Variants in TRIP10 observed in about 807,000 individuals in gnomAD.
TRIP10 encodes cdc42-interacting protein 4.
Under a neutral mutation model 80.9 loss-of-function variants are expected in TRIP10, and 54 were observed. That is an observed-to-expected ratio of 0.67 (90% CI 0.54 to 0.84). The LOEUF is 0.84. Among genes scored for constraint, TRIP10 ranks in the 40% least tolerant of loss-of-function variants. The pLI, the probability that TRIP10 is intolerant of heterozygous loss-of-function variation, is 0.00. For missense variants in TRIP10, 773 were observed against 815.3 expected, an observed-to-expected ratio of 0.95 and a Z score of 0.63; for synonymous variants, 321 against 307.2, an observed-to-expected ratio of 1.04 and a Z score of -0.47.
In TRIP10 at chr19:6,744,178, C is replaced by T. The variant is rs1041796048; in HGVS notation, c.642+342C>T. Among the ~76,000 whole-genome samples the T allele has an allele frequency of 1.3e-5, 2 of 152,172 alleles. No individual in the cohort carries two copies. The highest frequency in any genetic ancestry group is 4.8e-5 in the African/African-American group (2 of 41,438). ...TCCTACTTATTCTTCTAAGCTCCAC[C>T]TCTAACAACCCCTCTGAAAGGTCTC... is the stretch of plus-strand genomic sequence containing the variant. On this transcript the variant is annotated intron_variant, in intron 7 of 14. Transcript: ENST00000313244. This position sits in a 1 kb window ranked among gnomAD's most constrained non-coding sequence, Gnocchi z 4.9.
rs754493537 is a variant in TRIP10 at position 6,745,086 on chromosome 19, G to A, written c.984+92G>A. On this transcript the variant is annotated intron_variant, in intron 9 of 14. Coordinates refer to ENST00000313244, the MANE Select transcript of TRIP10 (RefSeq NM_001288962.2). The surrounding 1 kb of genome is among the most constrained non-coding windows in gnomAD (Gnocchi z 7.2). ...TTGAGTCAGCCCCAGCCGCCTGAACGCCGAGTCTCGGGCAGGAATTTTCCT... is the reference window on the plus strand; with the variant it reads ...TTGAGTCAGCCCCAGCCGCCTGAACACCGAGTCTCGGGCAGGAATTTTCCT... 1.3e-4 allele frequency: 187 copies of A among 1,447,388 alleles called. No homozygotes were observed. The highest frequency in any genetic ancestry group is 1.6e-4 in the Non-Finnish European group (176 of 1,093,344). 89.7% of individuals were successfully genotyped at this position (1,447,388 alleles called of 1,614,324 possible).
Position 6,749,916 on chromosome 19 carries a change from C to T in TRIP10, c.1263-18C>T, listed in dbSNP as rs374423456. 10 of 1,611,352 alleles carry T rather than the reference C, an allele frequency of 6.2e-6. No homozygotes were observed. In the African/African-American group the frequency reaches 1.3e-4, roughly 22 times the overall value. ...ACGGAAGTATGTTTTCCTGTCTATCCTGTCTCCCTTGTCATAGGGAAGCCC... is the reference window on the plus strand; with the variant it reads ...ACGGAAGTATGTTTTCCTGTCTATCTTGTCTCCCTTGTCATAGGGAAGCCC... On this transcript the variant is annotated intron_variant, in intron 11 of 14. Transcript: ENST00000313244.
Position 6,750,304 on chromosome 19 carries a change from G to A in TRIP10, c.1408G>A (p.Glu470Lys), listed in dbSNP as rs753889875. ...EVQKYEAWLA[E>K]AESRVLSNRG... Reference sequence around the variant, plus strand: ...CCCCTCCTCCCAGGCGTGGCTGGCAGAAGCTGAAAGTCGAGTCCTTAGCAA... The same window carrying A: ...CCCCTCCTCCCAGGCGTGGCTGGCAAAAGCTGAAAGTCGAGTCCTTAGCAA... Residue 470 changes from glutamate to lysine, a missense_variant, in exon 13 of 15, where the codon GAA becomes AAA. Coordinates refer to ENST00000313244, the MANE Select transcript of TRIP10 (RefSeq NM_001288962.2). The A allele has an allele frequency of 7.4e-6, 12 of 1,614,084 alleles. No homozygotes were observed. Among genetic ancestry groups the A allele is most frequent in the Non-Finnish European group, 9.3e-6 (11 of 1,180,010 alleles).
chr19:6,741,186 G>A, intron 2 of TRIP10, 39 bp from the exon 3 acceptor site: 2 of 1,613,334 alleles, frequency 1.2e-6, no homozygotes, highest in Non-Finnish European at 1.7e-6. Flanking sequence ...GCGGTGGGAG[G>A]GCTGCGGGCT....
chr19:6,740,862 C>A (rs938317753), intron 1 of TRIP10, 148 bp from the exon 2 acceptor site: 1 of 644,046 alleles, frequency 1.6e-6, no homozygotes, highest in Non-Finnish European at 2.6e-6. Context: ...TGCCTCCCCC[C>A]GCGCCACGCC....
intron 12 of TRIP10, 77 bp downstream of exon 12, chr19:6,750,143 G>GGGT: frequency 2.4e-6 from 2 of 842,276 alleles, no homozygotes; most frequent in Non-Finnish European, 3.7e-6. Context: ...GGGGGTCGGG[G>GGGT]ACAGGGGAGG....
intron 14 of TRIP10, 107 bp downstream of exon 14, chr19:6,750,740 A>G (rs1969269473): frequency 4.0e-6 from 6 of 1,496,706 alleles, no homozygotes. Flanking sequence ...TCAGGCTTGT[A>G]ATCCCAGCAC....
intron 5 of TRIP10, 31 bp downstream of exon 5, chr19:6,743,287 C>G (rs781447015): frequency 6.2e-7 from 1 of 1,611,326 alleles, no homozygotes; most frequent in Admixed American, 1.7e-5. Flanking sequence ...GTGACTGTGG[C>G]CCGGAGGCAT....
At chr19:6,747,012 G>A (rs1390260801) in intron 11 of TRIP10, among the ~76,000 whole-genome samples, 1 of 152,206 alleles carries the variant, frequency 6.6e-6, no homozygotes, top group East Asian at 1.9e-4. Flanking sequence ...CGGTTTTACA[G>A]GTGATTCCTA....
Position 6,741,299 on chromosome 19 carries a change from CTGCAGGG to C in TRIP10, c.197+19_197+25del, listed in dbSNP as rs1217596649. 6.2e-7 allele frequency: 1 copy of C among 1,600,370 alleles called. No individual in the cohort carries two copies. The highest frequency in any genetic ancestry group is 1.1e-5 in the South Asian group (1 of 89,360). On this transcript the variant is annotated intron_variant, in intron 3 of 14. Transcript: ENST00000313244. ...GAGTCCAAGTAAGGTTGGAGAGGGG[CTGCAGGG>C]CTAGATTTGTGGGGAAAGGCGGTGC...
At chr19:6,743,412 C>A in intron 5 of TRIP10, 82 bp from the exon 6 acceptor site, 1 of 1,555,268 alleles carries the variant, frequency 6.4e-7, no homozygotes, top group South Asian at 1.1e-5. Flanking sequence ...GATGACATCC[C>A]AATAATCCCT....
intron 5 of TRIP10, 41 bp downstream of exon 5, chr19:6,743,297 T>C (rs1279076491): frequency 2.5e-6 from 4 of 1,610,138 alleles, no homozygotes; most frequent in Non-Finnish European, 3.4e-6. Flanking sequence ...CCCGGAGGCA[T>C]GGGGGCAGGG....
rs182836308 is a variant in TRIP10 at position 6,746,283 on chromosome 19, T to A, written c.1152+87T>A. ...GGACCCTGGGCTCGCTTCCTGCCGCTGGCTGGGCCCCTCTTCCCTGGTTGC... is the reference window on the plus strand; with the variant it reads ...GGACCCTGGGCTCGCTTCCTGCCGCAGGCTGGGCCCCTCTTCCCTGGTTGC... On this transcript the variant is annotated intron_variant, in intron 10 of 14. Coordinates refer to ENST00000313244, the MANE Select transcript of TRIP10 (RefSeq NM_001288962.2). This position sits in a 1 kb window ranked among gnomAD's most constrained non-coding sequence, Gnocchi z 6.2. 1 of 1,482,764 alleles carries A rather than the reference T, an allele frequency of 6.7e-7. No homozygotes were observed. The highest frequency in any genetic ancestry group is 9.0e-7 in the Non-Finnish European group (1 of 1,110,208). 91.9% of individuals were successfully genotyped at this position (1,482,764 alleles called of 1,614,324 possible).
At chr19:6,748,685 C>T (rs1969201024) in intron 11 of TRIP10, 1 of 152,044 alleles carries the variant, frequency 6.6e-6, no homozygotes, top group Non-Finnish European at 1.5e-5. Context: ...CCCAGCTACT[C>T]CAGAGGCTGA....
chr19:6,750,663 G>C (rs371237669), intron 14 of TRIP10, 30 bp downstream of exon 14: 20 of 1,611,922 alleles, frequency 1.2e-5, no homozygotes, highest in Non-Finnish European at 1.7e-5. Flanking sequence ...GCTTGGCGGG[G>C]TATGGGAGGC....
In TRIP10 at chr19:6,744,504, C is replaced by T. The variant is rs748644099; in HGVS notation, c.643-50C>T. The T allele has an allele frequency of 3.1e-6, 5 of 1,610,176 alleles. No homozygotes were observed. The South Asian group carries it at 4.4e-5, about 14-fold the overall frequency. Reference sequence around the variant, plus strand: ...ATTTGCAGAGTGAATCACTGTGCTTCTAGTCCCTCTGTTAGCACCCCTGAG... The same window carrying T: ...ATTTGCAGAGTGAATCACTGTGCTTTTAGTCCCTCTGTTAGCACCCCTGAG... On this transcript the variant is annotated intron_variant, in intron 7 of 14. Transcript: ENST00000313244. This position sits in a 1 kb window ranked among gnomAD's most constrained non-coding sequence, Gnocchi z 4.9.
At position 6,743,494 on chromosome 19, in the gene TRIP10, A is replaced by G; in HGVS notation, c.409A>G (p.Ser137Gly). The G allele has an allele frequency of 6.2e-7, 1 of 1,613,584 alleles. No homozygotes were observed. The highest frequency in any genetic ancestry group is 8.5e-7 in the Non-Finnish European group (1 of 1,179,788). ...CACTCCGGTTCTGTCCCCTACACAG[A>G]GTAAGCGTAAATTTGAGCGGGACTG... ...LENGFKQLEN[S>G]KRKFERDCRE... The change falls in exon 6 of 15, where the codon AGT becomes GGT. Residue 137 changes from serine (S) to glycine (G), a missense_variant and splice_region_variant. Coordinates refer to ENST00000313244, the MANE Select transcript of TRIP10 (RefSeq NM_001288962.2).
In TRIP10 at chr19:6,751,348, A is replaced by G; in HGVS notation, c.*137A>G. 2.0e-6 allele frequency: 3 copies of G among 1,486,840 alleles called. No homozygotes were observed. The South Asian group carries it at 4.1e-5, about 20-fold the overall frequency. 92.1% of individuals were successfully genotyped at this position (1,486,840 alleles called of 1,614,324 possible). On this transcript the variant is annotated 3_prime_UTR_variant, in exon 15 of 15. Coordinates refer to ENST00000313244, the MANE Select transcript of TRIP10 (RefSeq NM_001288962.2). The stretch of plus-strand genomic sequence containing the variant: ...GTAACCTGCTGCCCCCTCCACCCCC[A>G]ACCCAGTCCTACCTGTCACACCGGA...
chr19:6,749,875 C>A, intron 11 of TRIP10, 59 bp from the exon 12 acceptor site: 1 of 1,577,398 alleles, frequency 6.3e-7, no homozygotes. Context: ...AAAACAACAG[C>A]AACAAAAAAA....
Sources: gnomAD v4.1 joint callset for allele counts (sites outside exome capture counted in the v4.1 genomes callset) on GRCh38, gnomAD v4.1.1 for gene constraint, Gnocchi (gnomAD v3.1) non-coding constraint, MANE v1.5 for transcripts, NCBI Gene and HGNC (gene_info 2026-07-23, HGNC 2026-07-21) for gene names.